Variants in CA10 observed in about 807,000 individuals in gnomAD.
CA10 encodes the protein carbonic anhydrase 10 (inactive), also known as carbonic anhydrase-related protein 10.
Under a neutral mutation model 44.2 loss-of-function variants are expected in CA10, and 14 were observed. The observed-to-expected ratio is 0.32, with a 90% confidence interval of 0.21 to 0.50. The LOEUF (loss-of-function observed/expected upper bound fraction) is 0.50, where lower values mean the gene tolerates loss of function less well. Among genes scored for constraint, CA10 ranks in the 20% least tolerant of loss-of-function variants. CA10 has a pLI of 0.99. For synonymous variants in CA10, 159 were observed against 141.6 expected (o/e 1.12, Z -0.87); for missense variants, 350 against 409.7 (o/e 0.85, Z 1.26).
chr17:51,920,171 C>T (rs892497693), intron 3 of CA10, among the ~76,000 whole-genome samples: 5 of 152,022 alleles, frequency 3.3e-5, no homozygotes, highest in Admixed American at 1.3e-4. Flanking sequence ...ATTTAAGTAC[C>T]GTCACTAAAA....
intron 2 of CA10, among the ~76,000 whole-genome samples, chr17:52,053,313 T>C (rs1269525370): frequency 1.3e-5 from 2 of 151,978 alleles, no homozygotes; most frequent in Non-Finnish European, 2.9e-5. Flanking sequence ...GCTCTTTGTT[T>C]AAAACAGGAA....
At chr17:51,788,713 A>G (rs1906392734) in intron 3 of CA10, among the ~76,000 whole-genome samples, 1 of 152,166 alleles carries the variant, frequency 6.6e-6, no homozygotes, top group Admixed American at 6.5e-5. Flanking sequence ...TCCCTTGAAC[A>G]CTTCAATGGT....
Position 51,666,013 on chromosome 17 carries a change from C to G in CA10, c.466-12277G>C, listed in dbSNP as rs1415006541. ...AATGTGCAGCTTAGTCCCAGGGTCT[C>G]CTGGCAGCCACTTTGTGACTCCTGG... On this transcript the variant is annotated intron_variant, in intron 4 of 8. Transcript: ENST00000451037. Among the ~76,000 whole-genome samples, 3 of 152,222 alleles carry G rather than the reference C, an allele frequency of 2.0e-5. No homozygotes were observed. The East Asian group carries it at 5.8e-4, about 29-fold the overall frequency.
intron 2 of CA10, among the ~76,000 whole-genome samples, chr17:51,980,638 T>TA (rs1984622096): frequency 6.6e-6 from 1 of 152,132 alleles, no homozygotes; most frequent in Non-Finnish European, 1.5e-5. Flanking sequence ...TTCCAGGGTT[T>TA]TTATAGTTTT....
chr17:51,696,713 G>C (rs1915415231), intron 4 of CA10, among the ~76,000 whole-genome samples: 1 of 151,984 alleles, frequency 6.6e-6, no homozygotes. Flanking sequence ...TTTTGAGGCT[G>C]GTGTTTAGCA....
chr17:51,688,189 G>A (rs1915071027), intron 4 of CA10, among the ~76,000 whole-genome samples: 1 of 152,160 alleles, frequency 6.6e-6, no homozygotes, highest in Non-Finnish European at 1.5e-5. Flanking sequence ...CCTTGGAAGT[G>A]AATCTTCTAC....
intron 3 of CA10, among the ~76,000 whole-genome samples, chr17:51,840,338 T>C (rs1168050624): frequency 2.0e-5 from 3 of 152,184 alleles, no homozygotes; most frequent in African/African-American, 7.2e-5. Flanking sequence ...AACTGGATAA[T>C]TGACATGCAT....
intron 1 of CA10, among the ~76,000 whole-genome samples, chr17:52,143,838 G>A (rs958472464): frequency 2.6e-5 from 4 of 152,114 alleles, no homozygotes; most frequent in African/African-American, 9.7e-5. Context: ...ACCAAACACT[G>A]GGAAAAGCTC....
intron 2 of CA10, among the ~76,000 whole-genome samples, chr17:51,935,199 G>A (rs906876604): frequency 2.0e-5 from 3 of 152,102 alleles, no homozygotes; most frequent in Non-Finnish European, 2.9e-5. Context: ...ATATAATGCT[G>A]TGGCAGGCAC....
At position 51,694,494 on chromosome 17, in the gene CA10, G is replaced by GT. The variant is rs1567806293; in HGVS notation, c.466-40759_466-40758insA. Among the ~76,000 whole-genome samples, 1,031 of 143,552 alleles carry GT rather than the reference G, an allele frequency of 7.2e-3. 11 individuals are homozygous for GT. The highest frequency in any genetic ancestry group is 0.027 in the African/African-American group (961 of 34,968). The allele number at this position is 143,552 out of a possible 152,430, so 94.2% of individuals were successfully genotyped here. On this transcript the variant is annotated intron_variant, in intron 4 of 8. Transcript: ENST00000451037. ...ATGTCTTTTGCACACTTTTTAATGG[G>GT]GTTTTTTTTTTTTTTTGCTTCTTCG...
At chr17:51,923,348 T>C (rs1982304792) in intron 3 of CA10, among the ~76,000 whole-genome samples, 1 of 152,216 alleles carries the variant, frequency 6.6e-6, no homozygotes, top group Admixed American at 6.5e-5. Flanking sequence ...CTTTTCATGC[T>C]AGCTCATATC....
At chr17:51,751,875 C>A (rs542859173) in intron 3 of CA10, among the ~76,000 whole-genome samples, 1 of 152,150 alleles carries the variant, frequency 6.6e-6, no homozygotes, top group Non-Finnish European at 1.5e-5. Context: ...TTCATTCATT[C>A]GCTTGGCCAT....
At chr17:51,759,083 C>T (rs75415990) in intron 3 of CA10, among the ~76,000 whole-genome samples, 2,007 of 152,262 alleles carry the variant, frequency 0.013, 46 homozygotes, top group Non-Finnish European at 0.011. Flanking sequence ...GGCTTTAAAC[C>T]TTAGCCCACT....
chr17:51,689,866 G>T (rs1289784267), intron 4 of CA10, among the ~76,000 whole-genome samples: 1 of 152,010 alleles, frequency 6.6e-6, no homozygotes, highest in African/African-American at 2.4e-5. Context: ...TGTATACATT[G>T]TGGATTGACT....
intron 2 of CA10, among the ~76,000 whole-genome samples, chr17:52,067,812 G>C (rs899030367): frequency 6.6e-6 from 1 of 152,196 alleles, no homozygotes; most frequent in African/African-American, 2.4e-5. Flanking sequence ...ACTTGCATGG[G>C]GCTTGTAGCC....
At chr17:51,938,531 A>G (rs1044966864) in intron 2 of CA10, among the ~76,000 whole-genome samples, 2 of 152,154 alleles carry the variant, frequency 1.3e-5, no homozygotes, top group African/African-American at 4.8e-5. Flanking sequence ...ATGTCTGGAT[A>G]AATGAAGGCA....
chr17:51,702,396 C>T (rs910862300), intron 4 of CA10, among the ~76,000 whole-genome samples: 2 of 152,162 alleles, frequency 1.3e-5, no homozygotes, highest in Non-Finnish European at 2.9e-5. Flanking sequence ...TTCAATCACT[C>T]TCATCCTTGG....
intron 3 of CA10, among the ~76,000 whole-genome samples, chr17:51,929,290 C>T (rs772335696): frequency 3.3e-5 from 5 of 151,990 alleles, no homozygotes; most frequent in Non-Finnish European, 7.4e-5. Context: ...ATTATATATC[C>T]ATTGTTTGTG....
intron 2 of CA10, among the ~76,000 whole-genome samples, chr17:51,988,582 C>T (rs1984926355): frequency 6.6e-6 from 1 of 151,910 alleles, no homozygotes; most frequent in Non-Finnish European, 1.5e-5. Flanking sequence ...ATATGCAACA[C>T]TGTTGTAATA....
Sources: gnomAD v4.1 joint callset for allele counts (sites outside exome capture counted in the v4.1 genomes callset) on GRCh38, gnomAD v4.1.1 for gene constraint, MANE v1.5 for transcripts, NCBI Gene and HGNC (gene_info 2026-07-23, HGNC 2026-07-21) for gene names.